The following ITSN2 variants were observed in gnomAD, a reference collection of about 807,000 sequenced individuals.
ITSN2 encodes intersectin-2.
Under a neutral mutation model 243.7 loss-of-function variants are expected in ITSN2, and 156 were observed. The ratio of observed to expected loss-of-function variants is 0.64; its 90% CI spans 0.56 to 0.73. The LOEUF (loss-of-function observed/expected upper bound fraction) is 0.73. Ranked by LOEUF, ITSN2 falls within the 30% of genes least tolerant of loss-of-function variation. The pLI is 0.00. For synonymous variants in ITSN2, 703 were observed against 699.9 expected, an observed-to-expected ratio of 1.00 and a Z score of -0.07; for missense variants, 1,801 against 1,996.1, an observed-to-expected ratio of 0.90 and a Z score of 1.86.
rs111821391 is a variant in ITSN2 at position 24,332,912 on chromosome 2, A to C, written c.-33-4797T>G. Among the ~76,000 whole-genome samples the C allele has an allele frequency of 9.4e-4, 143 of 152,332 alleles. 1 individual carries two copies. The highest frequency in any genetic ancestry group is 3.4e-3 in the Middle Eastern group (1 of 294). On this transcript the variant is annotated intron_variant, in intron 1 of 39. Coordinates refer to ENST00000355123, the MANE Select transcript of ITSN2 (RefSeq NM_006277.3). ...ATGTACTGTGTCATGCTGAGTATTCATTGAGAATCCAATGTTTCAGGTTCT... is the reference window on the plus strand; with the variant it reads ...ATGTACTGTGTCATGCTGAGTATTCCTTGAGAATCCAATGTTTCAGGTTCT...
At chr2:24,287,595 ATTTTT>A (rs1247860970) in intron 15 of ITSN2, among the ~76,000 whole-genome samples, 1 of 151,794 alleles carries the variant, frequency 6.6e-6, no homozygotes, top group Non-Finnish European at 1.5e-5. Context: ...GTTCTATCTT[ATTTTT>A]TTTAGAAACC....
chr2:24,306,351 A>T (rs1682535092), intron 8 of ITSN2, among the ~76,000 whole-genome samples: 1 of 152,170 alleles, frequency 6.6e-6, no homozygotes, highest in African/African-American at 2.4e-5. Flanking sequence ...CCAGCAACTC[A>T]GAAGGTTTGC....
In ITSN2 at chr2:24,251,397, G is replaced by GTA. The variant is rs1173242443; in HGVS notation, c.3120+946_3120+947dup. Among the ~76,000 whole-genome samples the GTA allele has an allele frequency of 1.7e-3, 9 of 5,174 alleles. 4 individuals are homozygous for GTA. The highest frequency in any genetic ancestry group is 0.017 in the Admixed American group (7 of 422). The allele number at this position is 5,174 out of a possible 152,430, so 3.4% of individuals were successfully genotyped here. A position where few individuals can be genotyped will look rare whatever the true frequency, so the allele number is the denominator to read the frequency against. ...TATATATGTATGTGTATATATATGT[G>GTA]TATATATATATGTGTGTATATATAT... On this transcript the variant is annotated intron_variant, in intron 25 of 39. Coordinates refer to ENST00000355123, the MANE Select transcript of ITSN2 (RefSeq NM_006277.3).
At chr2:24,221,792 G>C (rs1010581222) in intron 29 of ITSN2, among the ~76,000 whole-genome samples, 2 of 152,212 alleles carry the variant, frequency 1.3e-5, no homozygotes, top group African/African-American at 4.8e-5. Flanking sequence ...ATCAGGGTGA[G>C]AGGTACTGCA....
chr2:24,262,475 T>C (rs954269763), intron 20 of ITSN2, among the ~76,000 whole-genome samples: 8 of 152,228 alleles, frequency 5.3e-5, no homozygotes, highest in African/African-American at 1.7e-4. Context: ...TGTCAGGTGA[T>C]TTATCAATTT....
intron 15 of ITSN2, among the ~76,000 whole-genome samples, chr2:24,289,358 T>C (rs1432262856): frequency 6.6e-6 from 1 of 152,236 alleles, no homozygotes; most frequent in African/African-American, 2.4e-5. Context: ...TATTTAATTA[T>C]TTTTGATGCT....
intron 29 of ITSN2, among the ~76,000 whole-genome samples, chr2:24,235,901 A>G (rs540377161): frequency 6.6e-4 from 100 of 151,738 alleles, no homozygotes; most frequent in African/African-American, 2.4e-3. Context: ...AGCCCTGTAC[A>G]CTGCTGGCGG....
At chr2:24,315,083 A>G (rs371674249) in intron 3 of ITSN2, 49 bp downstream of exon 3, 37 of 880,542 alleles carry the variant, frequency 4.2e-5, no homozygotes, top group Non-Finnish European at 5.9e-5. Flanking sequence ...ATTCTTAGAT[A>G]TCACATAAGG....
chr2:24,340,022 TG>T (rs1392703238), intron 1 of ITSN2, among the ~76,000 whole-genome samples: 1 of 151,378 alleles, frequency 6.6e-6, no homozygotes, highest in African/African-American at 2.4e-5. Context: ...GGTAACAAAG[TG>T]AGACAGTGTC....
Position 24,358,981 on chromosome 2 carries a change from T to C in ITSN2, c.-34+1323A>G, listed in dbSNP as rs1374244591. Among the ~76,000 whole-genome samples, 5 of 152,336 alleles carry C rather than the reference T, an allele frequency of 3.3e-5. No individual in the cohort carries two copies. In the East Asian group the frequency reaches 5.8e-4, roughly 18 times the overall value. ...TGCAAGCTTTTCAACTGCTTATTAA[T>C]ATTACATCAAAATAGCAGCAATGCA... On this transcript the variant is annotated intron_variant, in intron 1 of 39. Coordinates refer to ENST00000355123, the MANE Select transcript of ITSN2 (RefSeq NM_006277.3).
intron 30 of ITSN2, among the ~76,000 whole-genome samples, chr2:24,218,687 A>C (rs1670183122): frequency 1.3e-5 from 2 of 152,172 alleles, no homozygotes; most frequent in Admixed American, 6.5e-5. Flanking sequence ...TTGACCTATG[A>C]AGAAATAAAG....
At chr2:24,228,574 T>C (rs1046531070) in intron 29 of ITSN2, among the ~76,000 whole-genome samples, 5 of 152,180 alleles carry the variant, frequency 3.3e-5, no homozygotes, top group African/African-American at 4.8e-5. Flanking sequence ...CCTCCTTGCA[T>C]TGATCAGCAG....
chr2:24,204,477 CAG>C lies in ITSN2; in HGVS notation c.4763-61_4763-60del, dbSNP rs1274412671. 6 of 1,470,892 alleles carry C rather than the reference CAG, an allele frequency of 4.1e-6. No individual in the cohort carries two copies. In the African/African-American group the frequency reaches 8.3e-5, roughly 20 times the overall value. 91.1% of individuals were successfully genotyped at this position (1,470,892 alleles called of 1,614,324 possible). ...CATGCAGGTAAAACGAAGCGACTGACAGTGCCCTCCCTGAGCAGAAGCAGGAT... is the reference window on the plus strand; with the variant it reads ...CATGCAGGTAAAACGAAGCGACTGACTGCCCTCCCTGAGCAGAAGCAGGAT... On this transcript the variant is annotated intron_variant, in intron 38 of 39. Transcript: ENST00000355123. This position sits in a 1 kb window ranked among gnomAD's most constrained non-coding sequence, Gnocchi z 5.1.
rs544387907 is a variant in ITSN2 at position 24,252,515 on chromosome 2, T to C, written c.2954-4A>G. The C allele has an allele frequency of 1.3e-4, 215 of 1,599,358 alleles. 1 individual carries two copies. In the South Asian group the frequency reaches 2.2e-3, roughly 16 times the overall value. On this transcript the variant is annotated splice_polypyrimidine_tract_variant and splice_region_variant and intron_variant, in intron 24 of 39. Coordinates refer to ENST00000355123, the MANE Select transcript of ITSN2 (RefSeq NM_006277.3). ...TATGGATAAAGTGCAATATATTCTG[T>C]AGGGAACAAAGCAAAAAGAAGTAGA...
chr2:24,269,997 AT>A (rs919093409), intron 20 of ITSN2, among the ~76,000 whole-genome samples: 2 of 152,068 alleles, frequency 1.3e-5, no homozygotes, highest in African/African-American at 4.8e-5. Context: ...GTTTTGGTAA[AT>A]TTTTTTCCCT....
intron 1 of ITSN2, among the ~76,000 whole-genome samples, chr2:24,352,843 A>G (rs1297455355): frequency 1.3e-5 from 2 of 152,184 alleles, no homozygotes; most frequent in Non-Finnish European, 2.9e-5. Context: ...ATAGCTTGTG[A>G]CTCAGCCTGC....
intron 18 of ITSN2, 21 bp downstream of exon 18, chr2:24,275,692 T>C: frequency 1.3e-6 from 2 of 1,581,202 alleles, no homozygotes; most frequent in South Asian, 1.1e-5. Context: ...TATAGCACAA[T>C]AAATATATCA....
intron 2 of ITSN2, among the ~76,000 whole-genome samples, chr2:24,320,124 C>T (rs1036368611): frequency 6.6e-6 from 1 of 152,144 alleles, no homozygotes; most frequent in Non-Finnish European, 1.5e-5. Flanking sequence ...CACACCTAAT[C>T]CCAGTATTTT....
intron 2 of ITSN2, 40 bp downstream of exon 2, chr2:24,328,012 A>C (rs1474115886): frequency 1.3e-6 from 2 of 1,515,316 alleles, no homozygotes; most frequent in African/African-American, 2.9e-5. Flanking sequence ...AAAAAAAAAA[A>C]TCCATAACCT....
Sources: allele counts gnomAD v4.1 joint callset (sites outside exome capture counted in the v4.1 genomes callset), GRCh38; gene constraint gnomAD v4.1.1; non-coding constraint Gnocchi (gnomAD v3.1); transcripts MANE v1.5; gene names NCBI Gene and HGNC (gene_info 2026-07-23, HGNC 2026-07-21).